The following CREB3L2 variants were observed in gnomAD, a reference collection of about 807,000 sequenced individuals.
CREB3L2 encodes cyclic AMP-responsive element-binding protein 3-like protein 2.
Under a neutral mutation model 57.2 loss-of-function variants are expected in CREB3L2, and 23 were observed. That is an observed-to-expected ratio of 0.40 (90% CI 0.29 to 0.57). The LOEUF is 0.57. Ranked by LOEUF, CREB3L2 falls within the 20% of genes least tolerant of loss-of-function variation. The pLI, the probability that CREB3L2 is intolerant of heterozygous loss-of-function variation, is 0.42. For missense variants in CREB3L2, 628 were observed against 634.7 expected, an observed-to-expected ratio of 0.99 and a Z score of 0.11; for synonymous variants, 268 against 265.1, an observed-to-expected ratio of 1.01 and a Z score of -0.11.
At chr7:137,972,703 A>AACAACAACAAC (rs1554503511) in intron 1 of CREB3L2, among the ~76,000 whole-genome samples, 9 of 49,892 alleles carry the variant, frequency 1.8e-4, no homozygotes, top group African/African-American at 6.9e-4. Flanking sequence ...AAAAAAAAAA[A>AACAACAACAAC]AAAAAAAAAA....
At chr7:137,975,035 C>A (rs1490083168) in intron 1 of CREB3L2, among the ~76,000 whole-genome samples, 1 of 152,072 alleles carries the variant, frequency 6.6e-6, no homozygotes, top group Non-Finnish European at 1.5e-5. Context: ...AGCATCAAGC[C>A]TTGAAATACT....
chr7:137,900,415 T>C (rs1276223817), intron 8 of CREB3L2, among the ~76,000 whole-genome samples: 4 of 152,226 alleles, frequency 2.6e-5, no homozygotes, highest in African/African-American at 9.6e-5. Flanking sequence ...TAGAGGAATT[T>C]ATCAACTTGG....
intron 1 of CREB3L2, chr7:137,933,769 C>T (rs562501843): frequency 6.6e-6 from 1 of 152,428 alleles, no homozygotes; most frequent in Admixed American, 6.5e-5. Context: ...CAACCAGATG[C>T]TATGACTCAG....
intron 1 of CREB3L2, among the ~76,000 whole-genome samples, chr7:137,938,019 G>C (rs273984): frequency 0.43 from 65,317 of 151,854 alleles, 15,243 homozygotes; most frequent in East Asian, 0.78. Flanking sequence ...AGTCACCCTG[G>C]GAGAAGGAGG....
Position 137,877,506 on chromosome 7 carries a change from G to C in CREB3L2, c.*2970C>G, listed in dbSNP as rs1490036390. 4.4e-6 allele frequency: 1 copy of C among 226,236 alleles called. No homozygotes were observed. The highest frequency in any genetic ancestry group is 8.8e-6 in the Non-Finnish European group (1 of 113,740). 14.0% of individuals were successfully genotyped at this position (226,236 alleles called of 1,614,324 possible). On this transcript the variant is annotated 3_prime_UTR_variant, in exon 12 of 12. Coordinates refer to ENST00000330387, the MANE Select transcript of CREB3L2 (RefSeq NM_194071.4). Reference sequence around the variant, plus strand: ...TTTTAAGTGCAAAGTCGAGGGCTGTGAAAAGAACCACGGTGGGGGGTCTGG... The same window carrying C: ...TTTTAAGTGCAAAGTCGAGGGCTGTCAAAAGAACCACGGTGGGGGGTCTGG...
chr7:137,904,395 G>A (rs1563246260), intron 6 of CREB3L2, among the ~76,000 whole-genome samples: 2 of 152,322 alleles, frequency 1.3e-5, no homozygotes, highest in African/African-American at 4.8e-5. Flanking sequence ...GGCAGGCGCA[G>A]TGGCTCTAGC....
At chr7:137,956,030 C>G (rs936420158) in intron 1 of CREB3L2, among the ~76,000 whole-genome samples, 1 of 152,174 alleles carries the variant, frequency 6.6e-6, no homozygotes, top group Non-Finnish European at 1.5e-5. Flanking sequence ...GTTTAAAACA[C>G]TAGCTAAGGC....
rs1404632035 is a variant in CREB3L2, at chr7:137,878,443, A to C, written c.*2033T>G. 4.3e-6 allele frequency: 1 copy of C among 232,834 alleles called. No individual in the cohort carries two copies. Among genetic ancestry groups the C allele is most frequent in the Admixed American group, 5.6e-5 (1 of 17,758 alleles). The allele number at this position is 232,834 out of a possible 1,614,324, so 14.4% of individuals were successfully genotyped here. A position where few individuals can be genotyped will look rare whatever the true frequency, so the allele number is the denominator to read the frequency against. On this transcript the variant is annotated 3_prime_UTR_variant, in exon 12 of 12. Coordinates refer to ENST00000330387, the MANE Select transcript of CREB3L2 (RefSeq NM_194071.4). Reference sequence around the variant, plus strand: ...TGCCTGATAATGACCTGACAGTTTAAAAGAGAGGGATGGGTCAGTGGAGGC... The same window carrying C: ...TGCCTGATAATGACCTGACAGTTTACAAGAGAGGGATGGGTCAGTGGAGGC...
At chr7:137,899,024 G>GAA (rs1799684989) in intron 8 of CREB3L2, among the ~76,000 whole-genome samples, 3 of 70,712 alleles carry the variant, frequency 4.2e-5, no homozygotes, top group African/African-American at 1.6e-4. Flanking sequence ...AGGAAGGAAG[G>GAA]GAAGGAAGAA....
chr7:137,961,751 C>T (rs1801327376), intron 1 of CREB3L2, among the ~76,000 whole-genome samples: 2 of 152,200 alleles, frequency 1.3e-5, no homozygotes, highest in African/African-American at 4.8e-5. Flanking sequence ...TGATGGTCAC[C>T]TTGGTCACTC....
In CREB3L2 at chr7:138,002,027, C is replaced by T; in HGVS notation, c.-322G>A. 3.0e-6 allele frequency: 1 copy of T among 332,226 alleles called. No individual in the cohort carries two copies. Among genetic ancestry groups the T allele is most frequent in the Non-Finnish European group, 5.6e-6 (1 of 179,664 alleles). The allele number at this position is 332,226 out of a possible 1,614,324, so 20.6% of individuals were successfully genotyped here. ...CCCAGGAAAATCCCTTAGCCGCAAG[C>T]CCACTTGCCGCTACGGCTCCAGACA... On this transcript the variant is annotated 5_prime_UTR_variant, in exon 1 of 12. Coordinates refer to ENST00000330387, the MANE Select transcript of CREB3L2 (RefSeq NM_194071.4).
At chr7:137,976,433 A>G (rs547184170) in intron 1 of CREB3L2, among the ~76,000 whole-genome samples, 1 of 151,708 alleles carries the variant, frequency 6.6e-6, no homozygotes, top group South Asian at 2.1e-4. Flanking sequence ...GCATATTACA[A>G]TCATCTGGAG....
At chr7:137,960,877 G>A (rs373736325) in intron 1 of CREB3L2, among the ~76,000 whole-genome samples, 5 of 131,800 alleles carry the variant, frequency 3.8e-5, no homozygotes, top group East Asian at 4.3e-4. Context: ...GCAATGGCAC[G>A]ATCTCAGCTC....
In CREB3L2 at chr7:137,922,418, A is replaced by G. The variant is rs868762459; in HGVS notation, c.319+5732T>C. 9.9e-3 allele frequency among the ~76,000 whole-genome samples: 372 copies of G among 37,626 alleles called. 6 individuals carry two copies. The highest frequency in any genetic ancestry group is 0.012 in the African/African-American group (58 of 4,886). 24.7% of individuals were successfully genotyped at this position (37,626 alleles called of 152,430 possible). A position where few individuals can be genotyped will look rare whatever the true frequency, so the allele number is the denominator to read the frequency against. On this transcript the variant is annotated intron_variant, in intron 2 of 11. Transcript: ENST00000330387. ...TATATATATATATATATATATATGT[A>G]TATATATATATATATATACGTATAT...
Position 137,915,900 on chromosome 7 carries a change from CAG to C in CREB3L2, c.430_431del (p.Leu144AspfsTer23). 1 of 1,614,146 alleles carries C rather than the reference CAG, an allele frequency of 6.2e-7. No homozygotes were observed. The highest frequency in any genetic ancestry group is 8.5e-7 in the Non-Finnish European group (1 of 1,180,026). On this transcript the variant is annotated frameshift_variant, in exon 3 of 12. Transcript: ENST00000330387. LOFTEE classifies it high-confidence loss of function. Reference protein sequence around the residue: ...PPPGLVPSVTLTITAISTPLE... With the variant: ...PPPGLVPSVTXTITAISTPLE... ...ACGGGGTGGAGATGGCTGTGATGGT[CAG>C]AGTGACAGACGGAACGAGTCCTGGG...
intron 1 of CREB3L2, among the ~76,000 whole-genome samples, chr7:137,999,306 T>A (rs180857037): frequency 9.0e-4 from 137 of 151,928 alleles, no homozygotes; most frequent in African/African-American, 3.1e-3. Flanking sequence ...CTTGTTCTAC[T>A]TATACGTTTT....
chr7:137,963,017 C>G (rs922130378), intron 1 of CREB3L2, among the ~76,000 whole-genome samples: 6 of 152,226 alleles, frequency 3.9e-5, no homozygotes, highest in Admixed American at 3.9e-4. Context: ...AGCAGTCCCT[C>G]TCAGCTTTGG....
chr7:137,979,620 G>A (rs1403703558), intron 1 of CREB3L2, among the ~76,000 whole-genome samples: 1 of 152,130 alleles, frequency 6.6e-6, no homozygotes, highest in Non-Finnish European at 1.5e-5. Flanking sequence ...CAGCTACTCG[G>A]GAGGCTGAGG....
At position 137,875,808 on chromosome 7, in the gene CREB3L2, C is replaced by T. The variant is rs574985667; in HGVS notation, c.*4668G>A. 12 of 224,234 alleles carry T rather than the reference C, an allele frequency of 5.4e-5. No individual in the cohort carries two copies. Among genetic ancestry groups the T allele is most frequent in the Admixed American group, 1.1e-4 (2 of 17,490 alleles). 13.9% of individuals were successfully genotyped at this position (224,234 alleles called of 1,614,324 possible). A position where few individuals can be genotyped will look rare whatever the true frequency, so the allele number is the denominator to read the frequency against. Reference sequence around the variant, plus strand: ...GACTTAAAATTTACTTAGCACAGCACGCAACACCCTAGTAAATGCTCAAGA... The same window carrying T: ...GACTTAAAATTTACTTAGCACAGCATGCAACACCCTAGTAAATGCTCAAGA... On this transcript the variant is annotated 3_prime_UTR_variant, in exon 12 of 12. Coordinates refer to ENST00000330387, the MANE Select transcript of CREB3L2 (RefSeq NM_194071.4).
Sources: gnomAD v4.1 joint callset for allele counts (sites outside exome capture counted in the v4.1 genomes callset) on GRCh38, gnomAD v4.1.1 for gene constraint, MANE v1.5 for transcripts, NCBI Gene and HGNC (gene_info 2026-07-23, HGNC 2026-07-21) for gene names.